Variants in RABGAP1L observed in about 807,000 individuals in gnomAD.
The protein encoded by RABGAP1L is RAB GTPase activating protein 1 like, also known as rab GTPase-activating protein 1-like.
Under a neutral mutation model 137.7 loss-of-function variants are expected in RABGAP1L, and 63 were observed. The observed-to-expected ratio is 0.46, with a 90% CI of 0.37 to 0.56. RABGAP1L has a LOEUF of 0.56. Ranked by LOEUF, RABGAP1L falls within the 20% of genes least tolerant of loss-of-function variation. The pLI is 0.00. For synonymous variants in RABGAP1L, 431 were observed against 433.7 expected, an observed-to-expected ratio of 0.99 and a Z score of 0.08; for missense variants, 1,095 against 1,244.0, an observed-to-expected ratio of 0.88 and a Z score of 1.80.
intron 13 of RABGAP1L, among the ~76,000 whole-genome samples, chr1:174,539,900 G>T (rs1393335766): frequency 6.6e-6 from 1 of 152,122 alleles, no homozygotes; most frequent in Admixed American, 6.5e-5. Context: ...CTAGTTTATA[G>T]TCCCACCAAC....
At chr1:174,217,840 A>G (rs1374364281) in intron 1 of RABGAP1L, among the ~76,000 whole-genome samples, 2 of 152,164 alleles carry the variant, frequency 1.3e-5, no homozygotes, top group East Asian at 1.9e-4. Flanking sequence ...AAAGATACAC[A>G]TGTAACTTGA....
At chr1:174,538,018 C>T (rs1665028826) in intron 13 of RABGAP1L, among the ~76,000 whole-genome samples, 1 of 152,110 alleles carries the variant, frequency 6.6e-6, no homozygotes. Flanking sequence ...TCTTTAGAAA[C>T]AAATTCAGAA....
At chr1:174,520,107 G>A (rs1432397228) in intron 13 of RABGAP1L, among the ~76,000 whole-genome samples, 1 of 152,304 alleles carries the variant, frequency 6.6e-6, no homozygotes, top group African/African-American at 2.4e-5. Context: ...ATTTATAGTT[G>A]TAGCCAATCT....
In RABGAP1L at chr1:174,448,113, T is replaced by C; in HGVS notation, c.1710+53968T>C. On this transcript the variant is annotated intron_variant, in intron 13 of 25. Coordinates refer to ENST00000681986, the MANE Select transcript of RABGAP1L (RefSeq NM_001366446.1). The surrounding 1 kb of genome is among the most constrained non-coding windows in gnomAD (Gnocchi z 4.2). ...CAGGTGTCTTTAAATTTCCAAGCCA[T>C]GAATGAATCCAGGTGGACTGAATGG... 2 of 1,607,552 alleles carry C rather than the reference T, an allele frequency of 1.2e-6. No individual in the cohort carries two copies. The highest frequency in any genetic ancestry group is 1.7e-6 in the Non-Finnish European group (2 of 1,176,138).
rs903572024 is a variant in RABGAP1L at position 174,222,224 on chromosome 1, G to A, written c.331+1060G>A. Among the ~76,000 whole-genome samples, 6 of 152,266 alleles carry A rather than the reference G, an allele frequency of 3.9e-5. No individual in the cohort carries two copies. The South Asian group carries it at 1.2e-3, about 32-fold the overall frequency. On this transcript the variant is annotated intron_variant, in intron 3 of 25. Coordinates refer to ENST00000681986, the MANE Select transcript of RABGAP1L (RefSeq NM_001366446.1). ...AGTAGTGAGGGAAATGACATGAACT[G>A]ATAGCTGTAGGCCTGGGTTACATTC...
chr1:174,526,674 TA>T (rs1411736173), intron 13 of RABGAP1L, among the ~76,000 whole-genome samples: 19 of 152,268 alleles, frequency 1.2e-4, no homozygotes, highest in African/African-American at 4.6e-4. Flanking sequence ...TGGTATCAAT[TA>T]TAAAGTCTCC....
intron 13 of RABGAP1L, among the ~76,000 whole-genome samples, chr1:174,501,216 CT>C (rs1371987716): frequency 1.9e-3 from 264 of 140,886 alleles, no homozygotes; most frequent in East Asian, 1.8e-3. Context: ...TTTGTTTACT[CT>C]TTTTTTTTTT....
intron 17 of RABGAP1L, among the ~76,000 whole-genome samples, chr1:174,737,652 T>C (rs1683067170): frequency 6.6e-6 from 1 of 152,158 alleles, no homozygotes; most frequent in Non-Finnish European, 1.5e-5. Context: ...ATTTTTATGT[T>C]ACACCATTTT....
At position 174,953,754 on chromosome 1, in the gene RABGAP1L, A is replaced by G. The variant is rs114691765; in HGVS notation, c.2341-3703A>G. ...AACGTAATAGAAAGTATCAGCAGAC[A>G]CTGTGGGAGATCGGTCAGAGCGGTG... On this transcript the variant is annotated intron_variant, in intron 19 of 25. Coordinates refer to ENST00000681986, the MANE Select transcript of RABGAP1L (RefSeq NM_001366446.1). Among the ~76,000 whole-genome samples the G allele has an allele frequency of 7.9e-3, 1,198 of 152,308 alleles. 8 individuals are homozygous for G. The highest frequency in any genetic ancestry group is 0.012 in the Non-Finnish European group (824 of 68,026).
chr1:174,264,852 G>A (rs1673915780), intron 7 of RABGAP1L, among the ~76,000 whole-genome samples: 2 of 151,518 alleles, frequency 1.3e-5, no homozygotes, highest in Admixed American at 6.6e-5. Flanking sequence ...AAAAACAAAA[G>A]AAATGACAAT....
intron 14 of RABGAP1L, among the ~76,000 whole-genome samples, chr1:174,682,613 G>A (rs1021639511): frequency 4.6e-5 from 7 of 152,130 alleles, no homozygotes; most frequent in African/African-American, 1.7e-4. Context: ...TCTACCTACT[G>A]TAACTGATTC....
At chr1:174,914,463 G>T (rs1163131693) in intron 19 of RABGAP1L, among the ~76,000 whole-genome samples, 2 of 152,132 alleles carry the variant, frequency 1.3e-5, no homozygotes, top group Non-Finnish European at 2.9e-5. Flanking sequence ...TGACAGGAAG[G>T]ATTATTACTA....
At chr1:174,844,296 G>C (rs1422828907) in intron 19 of RABGAP1L, among the ~76,000 whole-genome samples, 2 of 127,872 alleles carry the variant, frequency 1.6e-5, no homozygotes, top group Non-Finnish European at 3.3e-5. Context: ...TGAAGTCCTT[G>C]CCCACACCTA....
chr1:174,407,931 T>C (rs998911528), intron 13 of RABGAP1L, among the ~76,000 whole-genome samples: 1 of 152,180 alleles, frequency 6.6e-6, no homozygotes, highest in Non-Finnish European at 1.5e-5. Context: ...TGATTAGCAT[T>C]ACACGGCATT....
intron 13 of RABGAP1L, among the ~76,000 whole-genome samples, chr1:174,573,768 A>G (rs1437357055): frequency 8.5e-5 from 13 of 152,180 alleles, no homozygotes; most frequent in African/African-American, 2.9e-4. Context: ...GCAAAAAAAA[A>G]AATAAAGTTG....
At chr1:174,254,035 A>G (rs1343264694) in intron 7 of RABGAP1L, among the ~76,000 whole-genome samples, 3 of 151,866 alleles carry the variant, frequency 2.0e-5, no homozygotes, top group Non-Finnish European at 4.4e-5. Context: ...GGCTGATGGC[A>G]TCATGGCCAC....
chr1:174,376,326 T>C (rs745766884), intron 12 of RABGAP1L, among the ~76,000 whole-genome samples: 1 of 151,858 alleles, frequency 6.6e-6, no homozygotes, highest in Non-Finnish European at 1.5e-5. Context: ...GGCAATACTT[T>C]CCAGCTAATT....
chr1:174,710,160 C>A (rs1229676133), intron 17 of RABGAP1L, among the ~76,000 whole-genome samples: 1 of 152,116 alleles, frequency 6.6e-6, no homozygotes, highest in African/African-American at 2.4e-5. Context: ...AAATATGGGA[C>A]TGGGAAAAGA....
intron 13 of RABGAP1L, among the ~76,000 whole-genome samples, chr1:174,587,804 A>G (rs1669235038): frequency 6.6e-6 from 1 of 152,258 alleles, no homozygotes; most frequent in Non-Finnish European, 1.5e-5. Context: ...GGTATTCACC[A>G]TCTCAAGCAT....
Sources: gnomAD v4.1 joint callset for allele counts (sites outside exome capture counted in the v4.1 genomes callset) on GRCh38, gnomAD v4.1.1 for gene constraint, Gnocchi (gnomAD v3.1) non-coding constraint, MANE v1.5 for transcripts, NCBI Gene and HGNC (gene_info 2026-07-23, HGNC 2026-07-21) for gene names.